CDH13: variants seen among roughly 807,000 people sequenced by gnomAD.
CDH13 encodes the protein cadherin 13, also known as cadherin-13.
A neutral mutation model predicts 63.8 loss-of-function variants in CDH13; 24 were observed. That is an observed-to-expected ratio of 0.38 (90% CI 0.27 to 0.53). The LOEUF is 0.53. Ranked by LOEUF, CDH13 falls within the 20% of genes least tolerant of loss-of-function variation. The pLI, the probability that CDH13 is intolerant of heterozygous loss-of-function variation, is 0.85. For missense variants in CDH13, 1,049 were observed against 903.1 expected (o/e 1.16, Z -2.07); for synonymous variants, 503 against 355.3 (o/e 1.42, Z -4.67).
rs2039057529 is a variant in CDH13 at position 82,842,147 on chromosome 16, T to TATATATAC, written c.46-16208_46-16207insCATATATA. ...ATATATATATATATATACACATATATATATATATATATATATACACACACA... is the reference window on the plus strand; with the variant it reads ...ATATATATATATATATACACATATATATATATACATATATATATATATATACACACACA... On this transcript the variant is annotated intron_variant, in intron 1 of 13. Coordinates refer to ENST00000567109, the MANE Select transcript of CDH13 (RefSeq NM_001257.5). Among the ~76,000 whole-genome samples, 31 of 21,424 alleles carry TATATATAC rather than the reference T, an allele frequency of 1.4e-3. 1 individual carries two copies. Among genetic ancestry groups the TATATATAC allele is most frequent in the South Asian group, 2.4e-3 (1 of 418 alleles). 14.1% of individuals were successfully genotyped at this position (21,424 alleles called of 152,430 possible). A position where few individuals can be genotyped will look rare whatever the true frequency, so the allele number is the denominator to read the frequency against.
chr16:83,459,160 G>C (rs1033216644), intron 6 of CDH13, among the ~76,000 whole-genome samples: 4 of 152,152 alleles, frequency 2.6e-5, no homozygotes, highest in Admixed American at 2.6e-4. Flanking sequence ...AGGTTTCTAA[G>C]AACATCTTAA....
chr16:83,500,144 CGTA>C (rs2074237221), intron 7 of CDH13, among the ~76,000 whole-genome samples: 1 of 151,082 alleles, frequency 6.6e-6, no homozygotes, highest in Non-Finnish European at 1.5e-5. Context: ...TATCAGTGGT[CGTA>C]AGGCAAGAGA....
At chr16:83,405,632 A>T (rs1012760268) in intron 6 of CDH13, among the ~76,000 whole-genome samples, 3 of 152,250 alleles carry the variant, frequency 2.0e-5, no homozygotes, top group African/African-American at 7.2e-5. Flanking sequence ...TAAGCCACCA[A>T]ATCTGTGATA....
At chr16:83,276,613 G>A (rs775100412) in intron 5 of CDH13, among the ~76,000 whole-genome samples, 1 of 152,200 alleles carries the variant, frequency 6.6e-6, no homozygotes, top group Non-Finnish European at 1.5e-5. Context: ...GCTCGCGCCT[G>A]TAATCCCAGC....
intron 2 of CDH13, among the ~76,000 whole-genome samples, chr16:82,866,080 A>G (rs546010978): frequency 1.3e-5 from 2 of 152,260 alleles, no homozygotes; most frequent in South Asian, 2.1e-4. Context: ...TACAGCAGGA[A>G]TTACCTTTAT....
intron 4 of CDH13, among the ~76,000 whole-genome samples, chr16:83,168,653 G>A (rs1311854166): frequency 6.7e-6 from 1 of 148,638 alleles, no homozygotes; most frequent in African/African-American, 2.5e-5. Context: ...GATAGCTTCT[G>A]ATAACATATT....
At chr16:83,045,585 C>T (rs547975824) in intron 3 of CDH13, among the ~76,000 whole-genome samples, 1 of 141,866 alleles carries the variant, frequency 7.0e-6, no homozygotes, top group African/African-American at 2.7e-5. Context: ...CACAGTGATC[C>T]AAGATCACGC....
chr16:83,316,901 C>T (rs749863373), intron 5 of CDH13, among the ~76,000 whole-genome samples: 28 of 152,078 alleles, frequency 1.8e-4, no homozygotes, highest in African/African-American at 6.5e-4. Context: ...GGCTGGGCTC[C>T]AGGCTGATCT....
chr16:83,129,502 C>T (rs1567858451), intron 4 of CDH13, among the ~76,000 whole-genome samples: 1 of 152,098 alleles, frequency 6.6e-6, no homozygotes, highest in African/African-American at 2.4e-5. Context: ...AGCCAGCTAC[C>T]CCTGTGGGTG....
At chr16:83,237,182 G>C (rs944777981) in intron 5 of CDH13, among the ~76,000 whole-genome samples, 3 of 152,162 alleles carry the variant, frequency 2.0e-5, no homozygotes, top group African/African-American at 7.2e-5. Flanking sequence ...ACACAAGAGA[G>C]GCCCTCAAGA....
At chr16:83,607,306 G>C (rs1489913636) in intron 8 of CDH13, among the ~76,000 whole-genome samples, 1 of 151,992 alleles carries the variant, frequency 6.6e-6, no homozygotes, top group Non-Finnish European at 1.5e-5. Context: ...TGTAATCCTA[G>C]CTACTTGGGA....
intron 6 of CDH13, among the ~76,000 whole-genome samples, chr16:83,350,935 C>T (rs893191382): frequency 3.9e-5 from 6 of 152,194 alleles, no homozygotes; most frequent in African/African-American, 1.4e-4. Flanking sequence ...GCCAGCCGAT[C>T]AAGTCGCCTT....
Position 82,839,380 on chromosome 16 carries a change from C to T in CDH13, c.46-18982C>T, listed in dbSNP as rs138863164. 3.2e-3 allele frequency among the ~76,000 whole-genome samples: 486 copies of T among 152,298 alleles called. 6 individuals are homozygous for T. The highest frequency in any genetic ancestry group is 0.011 in the African/African-American group (437 of 41,558). On this transcript the variant is annotated intron_variant, in intron 1 of 13. Coordinates refer to ENST00000567109, the MANE Select transcript of CDH13 (RefSeq NM_001257.5). ...CTGACTGTACTTTTGCTGGTTCCTG[C>T]GTCCATCTCTTGTCACATAGCTCAA...
chr16:83,464,472 A>G (rs568030864), intron 6 of CDH13, among the ~76,000 whole-genome samples: 3 of 152,320 alleles, frequency 2.0e-5, no homozygotes, highest in South Asian at 4.1e-4. Flanking sequence ...AGATCGTGCC[A>G]TTGCACTCCA....
intron 7 of CDH13, among the ~76,000 whole-genome samples, chr16:83,561,970 G>T (rs1259582047): frequency 6.6e-6 from 1 of 152,200 alleles, no homozygotes; most frequent in African/African-American, 2.4e-5. Context: ...TTGGAATCCA[G>T]TGGAGCGATA....
intron 5 of CDH13, among the ~76,000 whole-genome samples, chr16:83,299,379 C>T (rs1009720229): frequency 1.3e-5 from 2 of 152,070 alleles, no homozygotes; most frequent in Non-Finnish European, 2.9e-5. Flanking sequence ...CTTTCTGGCT[C>T]ATGTCACAAA....
At chr16:82,775,385 T>C (rs2035448207) in intron 1 of CDH13, among the ~76,000 whole-genome samples, 2 of 152,204 alleles carry the variant, frequency 1.3e-5, no homozygotes, top group Non-Finnish European at 1.5e-5. Context: ...TGTATGAGCA[T>C]GGGGAAGTTA....
intron 6 of CDH13, among the ~76,000 whole-genome samples, chr16:83,370,168 G>C (rs1426922526): frequency 6.6e-6 from 1 of 152,094 alleles, no homozygotes; most frequent in African/African-American, 2.4e-5. Context: ...CGGACGGATC[G>C]TGAAGTCAGG....
At chr16:83,601,821 G>A (rs1406311603) in intron 7 of CDH13, among the ~76,000 whole-genome samples, 14 of 152,110 alleles carry the variant, frequency 9.2e-5, no homozygotes, top group Non-Finnish European at 2.1e-4. Flanking sequence ...GGGGCCGGGC[G>A]TGGTGGCTCA....
Sources: gnomAD v4.1 joint callset for allele counts (sites outside exome capture counted in the v4.1 genomes callset) on GRCh38, gnomAD v4.1.1 for gene constraint, MANE v1.5 for transcripts, NCBI Gene and HGNC (gene_info 2026-07-23, HGNC 2026-07-21) for gene names.